Variants in GALNTL6 observed in about 807,000 individuals in gnomAD.
GALNTL6 encodes the protein polypeptide N-acetylgalactosaminyltransferase like 6, also known as polypeptide N-acetylgalactosaminyltransferase-like 6.
GALNTL6 carries 46 observed loss-of-function variants against 73.7 expected under a neutral mutation model. The observed-to-expected ratio is 0.62, with a 90% CI of 0.49 to 0.80. GALNTL6 has a LOEUF of 0.80. Ranked by LOEUF, GALNTL6 falls within the 30% of genes least tolerant of loss-of-function variation. The probability of loss-of-function intolerance (pLI) is 0.00; values close to 1 mark genes in which losing one functional copy is unlikely to be tolerated. For missense variants in GALNTL6, 604 were observed against 755.0 expected (o/e 0.80, Z 2.34); for synonymous variants, 259 against 263.7 (o/e 0.98, Z 0.17).
At chr4:172,412,296 C>A (rs1482487872) in intron 5 of GALNTL6, among the ~76,000 whole-genome samples, 1 of 152,168 alleles carries the variant, frequency 6.6e-6, no homozygotes, top group Non-Finnish European at 1.5e-5. Flanking sequence ...CTCACCTTGG[C>A]CTCCCAAAGT....
At chr4:172,287,456 TTTTA>T (rs1281823607) in intron 3 of GALNTL6, among the ~76,000 whole-genome samples, 1 of 152,210 alleles carries the variant, frequency 6.6e-6, no homozygotes, top group Non-Finnish European at 1.5e-5. Context: ...ATAGACACTG[TTTTA>T]TTTATCAGTA....
chr4:172,532,583 TA>T (rs1471868157), intron 5 of GALNTL6, among the ~76,000 whole-genome samples: 1 of 152,204 alleles, frequency 6.6e-6, no homozygotes, highest in African/African-American at 2.4e-5. Context: ...TTTCCACAAA[TA>T]ATCATGTATT....
chr4:172,250,063 C>A (rs1009173438), intron 3 of GALNTL6, among the ~76,000 whole-genome samples: 2 of 152,136 alleles, frequency 1.3e-5, no homozygotes, highest in African/African-American at 4.8e-5. Context: ...CAACACCAAC[C>A]TGTGAAAGCA....
At chr4:172,166,508 C>T (rs1734630008) in intron 2 of GALNTL6, among the ~76,000 whole-genome samples, 1 of 152,010 alleles carries the variant, frequency 6.6e-6, no homozygotes, top group African/African-American at 2.4e-5. Context: ...ATAATATTCT[C>T]CTAGCAATTA....
chr4:172,313,532 C>G (rs1234981481), intron 4 of GALNTL6, among the ~76,000 whole-genome samples: 1 of 152,072 alleles, frequency 6.6e-6, no homozygotes, highest in Non-Finnish European at 1.5e-5. Context: ...ACAGTTATTC[C>G]CATTCTTCTC....
At chr4:172,289,183 A>C (rs904400661) in intron 3 of GALNTL6, among the ~76,000 whole-genome samples, 4 of 152,238 alleles carry the variant, frequency 2.6e-5, no homozygotes, top group African/African-American at 9.6e-5. Flanking sequence ...AAAAATCAAA[A>C]TTAATTGTAA....
At chr4:172,164,077 G>A (rs1297865123) in intron 2 of GALNTL6, among the ~76,000 whole-genome samples, 1 of 151,962 alleles carries the variant, frequency 6.6e-6, no homozygotes, top group Non-Finnish European at 1.5e-5. Flanking sequence ...AGGATCAACA[G>A]GGAGTTGATT....
chr4:172,524,203 T>A lies in GALNTL6; in HGVS notation c.553+175514T>A, dbSNP rs113391845. On this transcript the variant is annotated intron_variant, in intron 5 of 12. Coordinates refer to ENST00000506823, the MANE Select transcript of GALNTL6 (RefSeq NM_001034845.3). ...TGAAGTTTATCATTGCTTTTGTGAG[T>A]AGCTATATTTCTTTATTTTTATTTT... is the stretch of plus-strand genomic sequence containing the variant. 7.5e-3 allele frequency among the ~76,000 whole-genome samples: 1,139 copies of A among 152,178 alleles called. 16 individuals are homozygous for A. The highest frequency in any genetic ancestry group is 0.026 in the African/African-American group (1,070 of 41,524).
intron 4 of GALNTL6, among the ~76,000 whole-genome samples, chr4:172,313,421 C>T (rs1740435197): frequency 1.3e-5 from 2 of 152,120 alleles, no homozygotes; most frequent in Admixed American, 1.3e-4. Context: ...CGTGCCCGGT[C>T]CCCACCCCAA....
intron 5 of GALNTL6, among the ~76,000 whole-genome samples, chr4:172,435,591 G>A (rs1322400735): frequency 1.3e-5 from 2 of 152,110 alleles, no homozygotes; most frequent in African/African-American, 2.4e-5. Flanking sequence ...TGATGAGTCT[G>A]TCTTAATACT....
intron 12 of GALNTL6, among the ~76,000 whole-genome samples, chr4:173,022,552 C>T (rs575108536): frequency 1.2e-4 from 18 of 152,328 alleles, no homozygotes; most frequent in African/African-American, 3.8e-4. Context: ...TTATGTATCT[C>T]AGGCTCACTT....
At position 172,140,458 on chromosome 4, in the gene GALNTL6, C is replaced by T. The variant is rs75524036; in HGVS notation, c.139-89198C>T. ...ACATCTATATAGCATTTACTTTGTG[C>T]CAGTCATTGTTCTAAGGGCTTAATA... is the stretch of plus-strand genomic sequence containing the variant. On this transcript the variant is annotated intron_variant, in intron 2 of 12. Transcript: ENST00000506823. Among the ~76,000 whole-genome samples, 1,231 of 152,052 alleles carry T rather than the reference C, an allele frequency of 8.1e-3. 20 individuals carry two copies. The highest frequency in any genetic ancestry group is 0.028 in the African/African-American group (1,163 of 41,514).
rs1743548817 is a variant in GALNTL6 at position 172,847,010 on chromosome 4, G to C, written c.923+33287G>C. ...TCTCTCTGCATTGTTCCTGACATAG[G>C]TTTTTGAGGACTACACACTGAAAAC... is the stretch of plus-strand genomic sequence containing the variant. On this transcript the variant is annotated intron_variant, in intron 7 of 12. Coordinates refer to ENST00000506823, the MANE Select transcript of GALNTL6 (RefSeq NM_001034845.3). 3.3e-5 allele frequency among the ~76,000 whole-genome samples: 5 copies of C among 151,846 alleles called. 1 individual carries two copies. The South Asian group carries it at 1.0e-3, about 32-fold the overall frequency.
At chr4:172,815,176 C>T (rs1741529948) in intron 7 of GALNTL6, among the ~76,000 whole-genome samples, 1 of 152,090 alleles carries the variant, frequency 6.6e-6, no homozygotes, top group Admixed American at 6.6e-5. Flanking sequence ...TGAGGTGATG[C>T]ATATGTTAAT....
chr4:172,881,882 G>C (rs1400759332), intron 7 of GALNTL6, among the ~76,000 whole-genome samples: 1 of 152,056 alleles, frequency 6.6e-6, no homozygotes, highest in Non-Finnish European at 1.5e-5. Flanking sequence ...GCTAGCCTCA[G>C]CCTTGGGCAA....
At chr4:171,893,840 C>T (rs1200233914) in intron 2 of GALNTL6, among the ~76,000 whole-genome samples, 1 of 152,084 alleles carries the variant, frequency 6.6e-6, no homozygotes, top group East Asian at 1.9e-4. Flanking sequence ...TATTTCAGAT[C>T]ATGTTTTCAG....
At chr4:172,618,865 G>A (rs545135974) in intron 5 of GALNTL6, among the ~76,000 whole-genome samples, 382 of 152,050 alleles carry the variant, frequency 2.5e-3, no homozygotes, top group Middle Eastern at 0.017. Flanking sequence ...CTGCGATTAA[G>A]GGTGCGCACC....
At chr4:172,969,200 A>G (rs1750461431) in intron 10 of GALNTL6, among the ~76,000 whole-genome samples, 1 of 152,130 alleles carries the variant, frequency 6.6e-6, no homozygotes, top group African/African-American at 2.4e-5. Context: ...GTATTTCAGA[A>G]ATGAAGGGTA....
intron 7 of GALNTL6, among the ~76,000 whole-genome samples, chr4:172,849,914 G>A (rs1424999464): frequency 3.9e-5 from 6 of 152,138 alleles, no homozygotes; most frequent in East Asian, 1.9e-4. Context: ...TCAGGTTGTC[G>A]AGAATCTTTA....
Sources: allele counts gnomAD v4.1 joint callset (sites outside exome capture counted in the v4.1 genomes callset), GRCh38; gene constraint gnomAD v4.1.1; transcripts MANE v1.5; gene names NCBI Gene and HGNC (gene_info 2026-07-23, HGNC 2026-07-21).